The following VAPA variants were observed in gnomAD, a reference collection of about 807,000 sequenced individuals.
VAPA encodes VAMP associated protein A, also known as vesicle-associated membrane protein-associated protein A.
Under a neutral mutation model 25.6 loss-of-function variants are expected in VAPA, and 6 were observed. The observed-to-expected ratio is 0.23, with a 90% CI of 0.13 to 0.46. The LOEUF (loss-of-function observed/expected upper bound fraction) is 0.46. VAPA is among the 20% of genes least tolerant of loss of function. The pLI is 0.99. For missense variants in VAPA, 244 were observed against 302.1 expected, an observed-to-expected ratio of 0.81 and a Z score of 1.43; for synonymous variants, 112 against 106.2, an observed-to-expected ratio of 1.05 and a Z score of -0.34.
At chr18:9,938,194 T>TA (rs886579872) in intron 4 of VAPA, among the ~76,000 whole-genome samples, 3 of 151,916 alleles carry the variant, frequency 2.0e-5, no homozygotes, top group African/African-American at 7.3e-5. Context: ...ATTGACTTTT[T>TA]AAAAAAAAAT....
chr18:9,914,037 C>T lies in VAPA; in HGVS notation c.-220C>T. 2.1e-6 allele frequency: 1 copy of T among 471,472 alleles called. No individual in the cohort carries two copies. The highest frequency in any genetic ancestry group is 3.8e-6 in the Non-Finnish European group (1 of 265,270). 29.2% of individuals were successfully genotyped at this position (471,472 alleles called of 1,614,324 possible). On this transcript the variant is annotated 5_prime_UTR_variant, in exon 1 of 6. Coordinates refer to ENST00000400000, the MANE Select transcript of VAPA (RefSeq NM_194434.3). ...CGCCGAGGCTCGCAAGTGCGCGTGG[C>T]CGTGGCGGCTGGTGTGGGGTTGAGT...
intron 2 of VAPA, among the ~76,000 whole-genome samples, chr18:9,935,817 T>C (rs2069304078): frequency 6.6e-6 from 1 of 152,204 alleles, no homozygotes; most frequent in African/African-American, 2.4e-5. Context: ...TAATTTTTAA[T>C]TGTAATTGTT....
intron 4 of VAPA, chr18:9,948,162 AAATC>A (rs2069445890): frequency 1.3e-5 from 2 of 152,186 alleles, no homozygotes; most frequent in South Asian, 2.1e-4. Context: ...AACAACAAAA[AAATC>A]TAATTCTATT....
At chr18:9,926,493 T>C (rs1413273576) in intron 1 of VAPA, among the ~76,000 whole-genome samples, 2 of 152,176 alleles carry the variant, frequency 1.3e-5, no homozygotes, top group East Asian at 3.8e-4. Flanking sequence ...TAGATGTTGG[T>C]AGAAGACATG....
At chr18:9,934,936 T>G (rs2069292607) in intron 2 of VAPA, among the ~76,000 whole-genome samples, 1 of 151,526 alleles carries the variant, frequency 6.6e-6, no homozygotes, top group Non-Finnish European at 1.5e-5. Context: ...CTACTAAAAA[T>G]ACAAAAAAAT....
intron 4 of VAPA, among the ~76,000 whole-genome samples, chr18:9,947,151 TCTGA>T (rs1343220133): frequency 6.6e-6 from 1 of 152,118 alleles, no homozygotes; most frequent in Non-Finnish European, 1.5e-5. Flanking sequence ...CCTGCTGGAG[TCTGA>T]CTTAGAGTGT....
chr18:9,946,428 T>C (rs967918720), intron 4 of VAPA, among the ~76,000 whole-genome samples: 3 of 151,978 alleles, frequency 2.0e-5, no homozygotes, highest in Non-Finnish European at 2.9e-5. Context: ...CCGGCCCACC[T>C]CAAATTCGTA....
chr18:9,929,538 A>G lies in VAPA; in HGVS notation c.80-2272A>G, dbSNP rs29192. Among the ~76,000 whole-genome samples the G allele has an allele frequency of 2.6e-5, 4 of 151,994 alleles. No homozygotes were observed. In the East Asian group the frequency reaches 7.7e-4, roughly 29 times the overall value. ...AAGTCAATGTAAAATGTTTTTGAAT[A>G]TTTACCTATGTATGTTTTTATGAGG... On this transcript the variant is annotated intron_variant, in intron 1 of 5. Transcript: ENST00000400000.
intron 1 of VAPA, among the ~76,000 whole-genome samples, chr18:9,923,240 C>T (rs2069172026): frequency 6.6e-6 from 1 of 151,824 alleles, no homozygotes; most frequent in Non-Finnish European, 1.5e-5. Flanking sequence ...AGTTTAGTTA[C>T]GTATCTTTTA....
chr18:9,927,919 C>A (rs941603696), intron 1 of VAPA, among the ~76,000 whole-genome samples: 2 of 152,024 alleles, frequency 1.3e-5, no homozygotes, highest in African/African-American at 2.4e-5. Flanking sequence ...CAAAGAACAA[C>A]AGCCACATAA....
chr18:9,941,070 A>T (rs1182117216), intron 4 of VAPA, among the ~76,000 whole-genome samples: 1 of 151,946 alleles, frequency 6.6e-6, no homozygotes, highest in African/African-American at 2.4e-5. Context: ...GTATTTGCCT[A>T]TTAAAGGCTC....
chr18:9,940,549 A>T (rs1213891343), intron 4 of VAPA, among the ~76,000 whole-genome samples: 1 of 152,204 alleles, frequency 6.6e-6, no homozygotes, highest in Non-Finnish European at 1.5e-5. Flanking sequence ...TGTCAGCAGC[A>T]TATAGGATGA....
chr18:9,944,532 T>TTA lies in VAPA; in HGVS notation c.418-5861_418-5860dup, dbSNP rs1163727049. Among the ~76,000 whole-genome samples the TTA allele has an allele frequency of 8.6e-4, 131 of 152,342 alleles. 1 individual carries two copies. The highest frequency in any genetic ancestry group is 2.5e-4 in the Non-Finnish European group (17 of 68,026). On this transcript the variant is annotated intron_variant, in intron 4 of 5. Coordinates refer to ENST00000400000, the MANE Select transcript of VAPA (RefSeq NM_194434.3). The stretch of plus-strand genomic sequence containing the variant: ...TTTATGAAATTGTTCAGATTGAGTG[T>TTA]TATCAAAGATAAGAAGACATACAAG...
chr18:9,947,012 G>A (rs1444945066), intron 4 of VAPA, among the ~76,000 whole-genome samples: 2 of 152,140 alleles, frequency 1.3e-5, no homozygotes, highest in Non-Finnish European at 2.9e-5. Flanking sequence ...CTGCACAGGG[G>A]CGGGATCATC....
In VAPA at chr18:9,956,230, A is replaced by G. The variant is rs544194160; in HGVS notation, c.*2019A>G. 6.6e-6 allele frequency: 1 copy of G among 152,306 alleles called. No homozygotes were observed. Among genetic ancestry groups the G allele is most frequent in the Non-Finnish European group, 1.5e-5 (1 of 68,018 alleles). 9.4% of individuals were successfully genotyped at this position (152,306 alleles called of 1,614,324 possible). A position where few individuals can be genotyped will look rare whatever the true frequency, so the allele number is the denominator to read the frequency against. On this transcript the variant is annotated 3_prime_UTR_variant, in exon 6 of 6. Coordinates refer to ENST00000400000, the MANE Select transcript of VAPA (RefSeq NM_194434.3). ...GGTAGAGGCAGAGCTGGAACTAGAT[A>G]TCTGGTCTGTTGACTCTAGCTCAGT...
chr18:9,918,958 A>G (rs556342121), intron 1 of VAPA, among the ~76,000 whole-genome samples: 1 of 152,252 alleles, frequency 6.6e-6, no homozygotes, highest in South Asian at 2.1e-4. Flanking sequence ...GTGCAGTGGC[A>G]TGCACGTTCT....
intron 1 of VAPA, among the ~76,000 whole-genome samples, chr18:9,931,100 T>A (rs995207882): frequency 6.6e-6 from 1 of 152,226 alleles, no homozygotes; most frequent in Admixed American, 6.5e-5. Context: ...ACTGTGGTTA[T>A]TGTTCCCAAC....
intron 2 of VAPA, among the ~76,000 whole-genome samples, chr18:9,933,295 C>G (rs2069275415): frequency 6.6e-6 from 1 of 152,176 alleles, no homozygotes; most frequent in East Asian, 1.9e-4. Flanking sequence ...CCATAGAGTT[C>G]TTGGTGACAC....
At chr18:9,917,542 A>G (rs910236582) in intron 1 of VAPA, among the ~76,000 whole-genome samples, 1 of 152,206 alleles carries the variant, frequency 6.6e-6, no homozygotes, top group African/African-American at 2.4e-5. Flanking sequence ...TGGCCTCCCA[A>G]AGTGCTGGGA....
Sources: gnomAD v4.1 joint callset for allele counts (sites outside exome capture counted in the v4.1 genomes callset) on GRCh38, gnomAD v4.1.1 for gene constraint, MANE v1.5 for transcripts, NCBI Gene and HGNC (gene_info 2026-07-23, HGNC 2026-07-21) for gene names.